Variants in PIBF1 observed in about 807,000 individuals in gnomAD.
PIBF1 encodes the protein progesterone immunomodulatory binding factor 1.
In PIBF1, 90 loss-of-function variants were observed where a neutral mutation model predicts 112.5. The observed-to-expected ratio is 0.80, with a 90% CI of 0.67 to 0.95. The LOEUF (loss-of-function observed/expected upper bound fraction) is 0.95, where lower values mean the gene tolerates loss of function less well. Ranked by LOEUF, PIBF1 falls within the 40% of genes least tolerant of loss-of-function variation. The probability of loss-of-function intolerance (pLI) is 0.00; values close to 1 mark genes in which losing one functional copy is unlikely to be tolerated. For missense variants in PIBF1, 915 were observed against 852.3 expected (o/e 1.07, Z -0.92); for synonymous variants, 301 against 288.6 (o/e 1.04, Z -0.44).
At chr13:73,000,019 G>A (rs61966215) in intron 17 of PIBF1, among the ~76,000 whole-genome samples, 28,946 of 152,176 alleles carry the variant, frequency 0.19, 2,844 homozygotes, top group East Asian at 0.25. Flanking sequence ...CCACCTTGGC[G>A]AGAGAGTGAA....
intron 10 of PIBF1, among the ~76,000 whole-genome samples, chr13:72,884,149 T>C (rs186952009): frequency 9.2e-5 from 14 of 152,340 alleles, no homozygotes; most frequent in Admixed American, 2.6e-4. Context: ...AATTTTGTAT[T>C]AGCAGTTTGG....
At chr13:72,824,418 C>T (rs927727501) in intron 6 of PIBF1, among the ~76,000 whole-genome samples, 31 of 152,014 alleles carry the variant, frequency 2.0e-4, no homozygotes, top group African/African-American at 7.0e-4. Context: ...TAAATATTGG[C>T]AATAATGAAT....
intron 11 of PIBF1, among the ~76,000 whole-genome samples, chr13:72,895,648 T>C (rs2040251953): frequency 6.6e-6 from 1 of 151,936 alleles, no homozygotes; most frequent in African/African-American, 2.4e-5. Context: ...TACCCTTAAG[T>C]GGGAAATCTC....
intron 11 of PIBF1, among the ~76,000 whole-genome samples, chr13:72,906,771 C>G (rs1317510906): frequency 6.6e-6 from 1 of 152,066 alleles, no homozygotes; most frequent in East Asian, 1.9e-4. Flanking sequence ...TTCCTTATCT[C>G]TAATCATTTC....
intron 13 of PIBF1, among the ~76,000 whole-genome samples, chr13:72,924,760 T>C (rs2041423787): frequency 6.6e-6 from 1 of 152,046 alleles, no homozygotes. Flanking sequence ...TCTGATAAGC[T>C]CTACAGTTAG....
intron 13 of PIBF1, among the ~76,000 whole-genome samples, chr13:72,929,427 GAA>G (rs1594216495): frequency 6.6e-6 from 1 of 152,110 alleles, no homozygotes; most frequent in East Asian, 1.9e-4. Context: ...TATAAAGAGA[GAA>G]AGATTAATGG....
intron 13 of PIBF1, among the ~76,000 whole-genome samples, chr13:72,920,744 A>C (rs1263903275): frequency 1.3e-5 from 2 of 152,036 alleles, no homozygotes; most frequent in Non-Finnish European, 2.9e-5. Context: ...CTATAATTGC[A>C]CCTGTGACTA....
At chr13:72,921,239 A>G (rs1202689040) in intron 13 of PIBF1, among the ~76,000 whole-genome samples, 1 of 152,082 alleles carries the variant, frequency 6.6e-6, no homozygotes, top group Non-Finnish European at 1.5e-5. Flanking sequence ...AGTAGCTGGG[A>G]CTACAGGTGC....
Position 72,854,103 on chromosome 13 carries a change from G to A in PIBF1, c.1270G>A (p.Ala424Thr), listed in dbSNP as rs868282926. ...TAATGCTGTGGCTGAAAAGGAACGA[G>A]CAGTGATGGCTGAAAAGGATGCTTT... ...RDNAVAEKER[A>T]VMAEKDALEK... The change falls in exon 10 of 18, where the codon GCA becomes ACA. Residue 424 changes from alanine (A) to threonine (T), a missense_variant. By Grantham distance (58) the Ala-to-Thr change is moderately conservative. Transcript: ENST00000326291. The A allele has an allele frequency of 1.2e-6, 2 of 1,613,518 alleles. No individual in the cohort carries two copies. Among genetic ancestry groups the A allele is most frequent in the East Asian group, 2.2e-5 (1 of 44,856 alleles).
intron 10 of PIBF1, 38 bp downstream of exon 10, chr13:72,854,193 A>G (rs369670699): frequency 2.0e-5 from 25 of 1,276,212 alleles, no homozygotes; most frequent in Non-Finnish European, 2.7e-5. Flanking sequence ...AAACTCTTCC[A>G]TTATTGTTTC....
rs2043886907 is a variant in PIBF1, at chr13:73,002,066, A to G, written c.2223+3071A>G. On this transcript the variant is annotated intron_variant, in intron 17 of 17. Coordinates refer to ENST00000326291, the MANE Select transcript of PIBF1 (RefSeq NM_006346.4). ...GACATATGTGACAGAGTCATTGTTC[A>G]GGCACTTAGTGTACCAACAAAAACT... 2.6e-5 allele frequency among the ~76,000 whole-genome samples: 4 copies of G among 152,214 alleles called. No individual in the cohort carries two copies. The South Asian group carries it at 8.3e-4, about 32-fold the overall frequency.
chr13:72,949,298 G>GTTTTTTTTTTTTT (rs1566481285), intron 14 of PIBF1, among the ~76,000 whole-genome samples: 1 of 80,910 alleles, frequency 1.2e-5, no homozygotes, highest in Non-Finnish European at 2.4e-5. Flanking sequence ...ACAAATAGCT[G>GTTTTTTTTTTTTT]TCTTTTTTTT....
chr13:72,788,058 C>T (rs562530791), intron 2 of PIBF1, among the ~76,000 whole-genome samples: 1 of 152,166 alleles, frequency 6.6e-6, no homozygotes, highest in Non-Finnish European at 1.5e-5. Context: ...GCATCGTATG[C>T]TAACGTTATG....
chr13:72,846,239 A>T (rs955210926), intron 9 of PIBF1, among the ~76,000 whole-genome samples: 1 of 151,934 alleles, frequency 6.6e-6, no homozygotes, highest in Non-Finnish European at 1.5e-5. Flanking sequence ...ATTAAAGACA[A>T]CTCTATTCTT....
intron 9 of PIBF1, among the ~76,000 whole-genome samples, chr13:72,837,691 T>C (rs2037420892): frequency 6.6e-6 from 1 of 152,210 alleles, no homozygotes; most frequent in Admixed American, 6.5e-5. Context: ...CTTAGACTTT[T>C]ATTATCTATG....
chr13:72,931,861 A>T (rs1049465315), intron 14 of PIBF1, among the ~76,000 whole-genome samples: 10 of 149,238 alleles, frequency 6.7e-5, no homozygotes, highest in African/African-American at 2.4e-4. Flanking sequence ...TACTTTGCTA[A>T]TGTTCCTTTT....
At chr13:72,918,463 C>T (rs1449301783) in intron 13 of PIBF1, among the ~76,000 whole-genome samples, 1 of 148,150 alleles carries the variant, frequency 6.7e-6, no homozygotes, top group Non-Finnish European at 1.5e-5. Context: ...TCTCAGCTCA[C>T]TGCAACCTCC....
chr13:72,935,845 G>T (rs1217191913), intron 14 of PIBF1, among the ~76,000 whole-genome samples: 1 of 151,886 alleles, frequency 6.6e-6, no homozygotes, highest in Non-Finnish European at 1.5e-5. Flanking sequence ...TGGGAGAAGT[G>T]TCTCCTCACA....
At chr13:72,844,321 T>A (rs1488615822) in intron 9 of PIBF1, among the ~76,000 whole-genome samples, 2 of 152,232 alleles carry the variant, frequency 1.3e-5, no homozygotes, top group African/African-American at 4.8e-5. Flanking sequence ...GAAGTTAATT[T>A]ACTTAAAATA....
Sources: allele counts gnomAD v4.1 joint callset (sites outside exome capture counted in the v4.1 genomes callset), GRCh38; gene constraint gnomAD v4.1.1; transcripts MANE v1.5; gene names NCBI Gene and HGNC (gene_info 2026-07-23, HGNC 2026-07-21).